Variants in ERGIC1 observed in about 807,000 individuals in gnomAD.
ERGIC1 encodes endoplasmic reticulum-Golgi intermediate compartment protein 1.
ERGIC1 carries 19 observed loss-of-function variants against 38.3 expected under a neutral mutation model. The observed-to-expected ratio is 0.50, with a 90% CI of 0.35 to 0.73. The LOEUF is 0.73. ERGIC1 is among the 30% of genes least tolerant of loss of function. The pLI is 0.01. For synonymous variants in ERGIC1, 124 were observed against 157.6 expected (o/e 0.79, Z 1.60); for missense variants, 294 against 389.2 (o/e 0.76, Z 2.06).
chr5:172,906,547 G>T (rs188087823), intron 3 of ERGIC1, among the ~76,000 whole-genome samples: 1 of 152,100 alleles, frequency 6.6e-6, no homozygotes, highest in African/African-American at 2.4e-5. Context: ...AGAGCCCACC[G>T]TTCCTTGTGA....
chr5:172,908,125 C>T (rs1763082607), intron 3 of ERGIC1, among the ~76,000 whole-genome samples: 1 of 151,218 alleles, frequency 6.6e-6, no homozygotes, highest in African/African-American at 2.4e-5. Context: ...GGCCGTGTTA[C>T]CTTGCATTCA....
Position 172,926,379 on chromosome 5 carries a change from C to T in ERGIC1, c.481-130C>T, listed in dbSNP as rs572805262. ...TGCTGCCTCTTGCTCCCCACAAATC[C>T]GCTGGAGCCCCCTTTTACACATTGG... On this transcript the variant is annotated intron_variant, in intron 6 of 9. Transcript: ENST00000393784. The surrounding 1 kb of genome is among the most constrained non-coding windows in gnomAD (Gnocchi z 5.2). 27 of 934,752 alleles carry T rather than the reference C, an allele frequency of 2.9e-5. No individual in the cohort carries two copies. Among genetic ancestry groups the T allele is most frequent in the South Asian group, 1.3e-4 (9 of 68,614 alleles). 57.9% of individuals were successfully genotyped at this position (934,752 alleles called of 1,614,324 possible).
Position 172,897,157 on chromosome 5 carries a change from G to C in ERGIC1, c.155+83G>C, listed in dbSNP as rs1054570083. On this transcript the variant is annotated intron_variant, in intron 3 of 9. Transcript: ENST00000393784. ...GAGGGAGGGGTCTTTGGCCAGGTTT[G>C]GTGGCTAACACCTGTAATCCCAACA... is the stretch of plus-strand genomic sequence containing the variant. The C allele has an allele frequency of 3.0e-6, 4 of 1,338,842 alleles. No individual in the cohort carries two copies. The African/African-American group carries it at 5.8e-5, about 19-fold the overall frequency. 82.9% of individuals were successfully genotyped at this position (1,338,842 alleles called of 1,614,324 possible).
intron 1 of ERGIC1, among the ~76,000 whole-genome samples, chr5:172,838,064 A>T (rs1252664644): frequency 6.6e-6 from 1 of 152,086 alleles, no homozygotes; most frequent in Non-Finnish European, 1.5e-5. Flanking sequence ...ACTGGCACTG[A>T]CCAGATGTGC....
intron 2 of ERGIC1, among the ~76,000 whole-genome samples, chr5:172,893,905 A>ATGTGTGTGTGTGTGTGTGTGTG (rs1554110394): frequency 4.5e-4 from 7 of 15,540 alleles, no homozygotes; most frequent in Admixed American, 2.8e-3. Context: ...ATATATATAT[A>ATGTGTGTGTGTGTGTGTGTGTG]TGTGTGTGTG....
intron 1 of ERGIC1, among the ~76,000 whole-genome samples, chr5:172,858,902 T>C (rs1053297545): frequency 2.0e-5 from 3 of 152,236 alleles, no homozygotes; most frequent in African/African-American, 7.2e-5. Flanking sequence ...CTGTTTGAAG[T>C]ACTTTGGACA....
intron 9 of ERGIC1, among the ~76,000 whole-genome samples, chr5:172,942,552 C>T (rs1039243636): frequency 2.6e-5 from 4 of 152,160 alleles, no homozygotes; most frequent in African/African-American, 7.2e-5. Context: ...CCACCCCCAA[C>T]CAAGAAGATT....
At chr5:172,855,881 C>T (rs903012383) in intron 1 of ERGIC1, among the ~76,000 whole-genome samples, 4 of 152,210 alleles carry the variant, frequency 2.6e-5, no homozygotes, top group East Asian at 1.9e-4. Flanking sequence ...GGGTGCAGCC[C>T]GGCGGGGGCC....
intron 5 of ERGIC1, chr5:172,920,677 C>A: frequency 1.9e-6 from 1 of 521,382 alleles, no homozygotes; most frequent in South Asian, 2.1e-5. Flanking sequence ...CAGCCTCGCA[C>A]GGCCCGGCAG....
chr5:172,890,052 A>G (rs572374068), intron 2 of ERGIC1, among the ~76,000 whole-genome samples: 1 of 152,216 alleles, frequency 6.6e-6, no homozygotes, highest in Non-Finnish European at 1.5e-5. Flanking sequence ...GGAAGGAAAA[A>G]TAAGGCCTTT....
At chr5:172,875,801 A>G (rs1435787216) in intron 1 of ERGIC1, among the ~76,000 whole-genome samples, 2 of 152,180 alleles carry the variant, frequency 1.3e-5, no homozygotes, top group Admixed American at 6.5e-5. Context: ...TATGTTGCCC[A>G]GGGAACTCCT....
intron 1 of ERGIC1, among the ~76,000 whole-genome samples, chr5:172,858,165 A>G (rs963499450): frequency 5.9e-5 from 9 of 152,330 alleles, no homozygotes; most frequent in Middle Eastern, 3.4e-3. Context: ...TCACTGGGCC[A>G]CTGAGAGGCA....
chr5:172,906,122 C>T (rs917916759), intron 3 of ERGIC1: 2 of 456,172 alleles, frequency 4.4e-6, no homozygotes, highest in African/African-American at 4.0e-5. Flanking sequence ...CTCCCTCCAG[C>T]TCCTTTGCTC....
chr5:172,932,430 C>A lies in ERGIC1; in HGVS notation c.542-6C>A, dbSNP rs764239129. The A allele has an allele frequency of 1.2e-6, 2 of 1,614,046 alleles. No individual in the cohort carries two copies. The highest frequency in any genetic ancestry group is 8.5e-7 in the Non-Finnish European group (1 of 1,179,982). ...CCTGCTTCATTCTGCTGTGTCCTTC[C>A]CGCAGCCCTGGCCTCCCACGACTAC... On this transcript the variant is annotated splice_polypyrimidine_tract_variant and splice_region_variant and intron_variant, in intron 7 of 9. Transcript: ENST00000393784.
Position 172,909,689 on chromosome 5 carries a change from G to A in ERGIC1, c.178G>A (p.Asp60Asn), listed in dbSNP as rs761158869. ...TEVVNELYVD[D>N]PDKDSGGKID... ...TAGTGTGAACGAGCTCTATGTCGAT[G>A]ACCCAGACAAGGACAGCGGTGGCAA... Residue 60 changes from aspartate (D) to asparagine (N), a missense_variant, in exon 4 of 10, where the codon GAC becomes AAC. Transcript: ENST00000393784. The A allele has an allele frequency of 6.2e-7, 1 of 1,614,202 alleles. No individual in the cohort carries two copies. The highest frequency in any genetic ancestry group is 1.1e-5 in the South Asian group (1 of 91,082).
At chr5:172,878,991 A>G (rs1762216712) in intron 1 of ERGIC1, among the ~76,000 whole-genome samples, 2 of 152,178 alleles carry the variant, frequency 1.3e-5, no homozygotes. Context: ...CTCGATGGCT[A>G]TTTTTGGGAC....
At chr5:172,933,283 T>A (rs909797936) in intron 8 of ERGIC1, 4 of 152,248 alleles carry the variant, frequency 2.6e-5, no homozygotes, top group Non-Finnish European at 5.9e-5. Context: ...GATACCTGTT[T>A]AGCTCAGTTA....
chr5:172,848,160 A>C lies in ERGIC1; in HGVS notation c.20+13727A>C, dbSNP rs140631256. 6.5e-3 allele frequency among the ~76,000 whole-genome samples: 997 copies of C among 152,314 alleles called. 9 individuals carry two copies. Among genetic ancestry groups the C allele is most frequent in the African/African-American group, 0.023 (947 of 41,552 alleles). On this transcript the variant is annotated intron_variant, in intron 1 of 9. Transcript: ENST00000393784. ...TGGTGGGGTCTGATGTCATTTAACC[A>C]CCAGGGAAGTAGGGTTCATTCCTTT...
intron 3 of ERGIC1, among the ~76,000 whole-genome samples, chr5:172,900,725 A>AAC: frequency 7.3e-6 from 1 of 137,240 alleles, no homozygotes; most frequent in Non-Finnish European, 1.6e-5. Flanking sequence ...AAAAAAACAA[A>AAC]AAAAAACATG....
Sources: allele counts gnomAD v4.1 joint callset (sites outside exome capture counted in the v4.1 genomes callset), GRCh38; gene constraint gnomAD v4.1.1; non-coding constraint Gnocchi (gnomAD v3.1); transcripts MANE v1.5; gene names NCBI Gene and HGNC (gene_info 2026-07-23, HGNC 2026-07-21).